AQR: variants seen among roughly 807,000 people sequenced by gnomAD.
AQR encodes aquarius intron-binding spliceosomal factor.
AQR carries 61 observed loss-of-function variants against 180.5 expected under a neutral mutation model. The observed-to-expected ratio is 0.34, with a 90% confidence interval of 0.28 to 0.42. The LOEUF (loss-of-function observed/expected upper bound fraction) is 0.42, where lower values mean the gene tolerates loss of function less well. Ranked by LOEUF, AQR falls within the 10% of genes least tolerant of loss-of-function variation. The pLI, the probability that AQR is intolerant of heterozygous loss-of-function variation, is 1.00. For synonymous variants in AQR, 551 were observed against 588.8 expected, an observed-to-expected ratio of 0.94 and a Z score of 0.93; for missense variants, 1,281 against 1,798.3, an observed-to-expected ratio of 0.71 and a Z score of 5.20.
intron 13 of AQR, 31 bp from the exon 14 acceptor site, chr15:34,920,465 A>T (rs1261785522): frequency 1.3e-6 from 2 of 1,490,248 alleles, no homozygotes; most frequent in African/African-American, 1.4e-5. Context: ...TTTTATTCAT[A>T]GTAACTTACT....
chr15:34,853,888 G>T lies in AQR; in HGVS notation c.*2904C>A, dbSNP rs963374085. 2 of 152,056 alleles carry T rather than the reference G, an allele frequency of 1.3e-5. No homozygotes were observed. The highest frequency in any genetic ancestry group is 2.9e-5 in the Non-Finnish European group (2 of 68,018). 9.4% of individuals were successfully genotyped at this position (152,056 alleles called of 1,614,324 possible). A position where few individuals can be genotyped will look rare whatever the true frequency, so the allele number is the denominator to read the frequency against. On this transcript the variant is annotated 3_prime_UTR_variant, in exon 35 of 35. Coordinates refer to ENST00000156471, the MANE Select transcript of AQR (RefSeq NM_014691.3). ...AACCAAATGCTGATAAGCAAATTAG[G>T]TACAACTCTGAGCCAGGTCTCGATG...
At chr15:34,874,037 T>A (rs1406715282) in intron 29 of AQR, 38 bp from the exon 30 acceptor site, 1 of 1,550,260 alleles carries the variant, frequency 6.5e-7, no homozygotes, top group African/African-American at 1.4e-5. Flanking sequence ...CAGAAAATAT[T>A]AGCAGTGTAA....
chr15:34,935,482 C>T (rs1030621658), intron 9 of AQR, among the ~76,000 whole-genome samples: 1 of 152,138 alleles, frequency 6.6e-6, no homozygotes, highest in Non-Finnish European at 1.5e-5. Context: ...AGGCATCCTA[C>T]AAATGCTTAC....
At position 34,897,690 on chromosome 15, in the gene AQR, T is replaced by C. The variant is rs1266724750; in HGVS notation, c.2259A>G (p.Val753=). The stretch of plus-strand genomic sequence containing the variant: ...TCCTTTTCTTCCCTTTTCCACTTCT[T>C]ACTGGAAAAGTTATCCTACAAGACC... The part of the protein sequence containing the change: ...QIPPFRITFP[V]RSGKGKKRKD... The change falls in exon 21 of 35, where the codon GTA becomes GTG. Residue 753 remains valine (V), a synonymous_variant. Transcript: ENST00000156471. The C allele has an allele frequency of 6.2e-7, 1 of 1,614,010 alleles. No individual in the cohort carries two copies.
chr15:34,897,608 G>A lies in AQR; in HGVS notation c.2341C>T (p.Pro781Ser). 6.2e-7 allele frequency: 1 copy of A among 1,614,028 alleles called. No individual in the cohort carries two copies. Among genetic ancestry groups the A allele is most frequent in the Non-Finnish European group, 8.5e-7 (1 of 1,179,950 alleles). Residue 781 changes from proline (P) to serine (S), a missense_variant, in exon 21 of 35, where the codon CCC (proline) becomes TCC (serine). Pro to Ser is a moderately conservative substitution (Grantham distance 74). Transcript: ENST00000156471. The part of the protein sequence containing the change: ...TEEAKTLIVE[P>S]HVIPNRGPYP... ...GGACCCCTATTAGGAATAACATGGG[G>A]CTCAACAATTAAGGTTTTTGCTTCC...
rs1468985191 is a variant in AQR, at chr15:34,856,511, C to T, written c.*281G>A. The T allele has an allele frequency of 2.4e-6, 1 of 414,444 alleles. No individual in the cohort carries two copies. Among genetic ancestry groups the T allele is most frequent in the East Asian group, 3.4e-5 (1 of 28,988 alleles). 25.7% of individuals were successfully genotyped at this position (414,444 alleles called of 1,614,324 possible). A position where few individuals can be genotyped will look rare whatever the true frequency, so the allele number is the denominator to read the frequency against. On this transcript the variant is annotated 3_prime_UTR_variant, in exon 35 of 35. Coordinates refer to ENST00000156471, the MANE Select transcript of AQR (RefSeq NM_014691.3). The stretch of plus-strand genomic sequence containing the variant: ...AAATGTGAAGTATATATTATATATT[C>T]ATAGAAAATGATTTTAATGTAGGTA...
rs532388110 is a variant in AQR, at chr15:34,876,148, C to G, written c.3166-142G>C. On this transcript the variant is annotated intron_variant, in intron 27 of 34. Transcript: ENST00000156471. ...TCAGACAGATAAAAATAACAACATA[C>G]ACATTATTCAAACAGAAACTTCATG... The G allele has an allele frequency of 1.7e-4, 103 of 606,784 alleles. No individual in the cohort carries two copies. In the African/African-American group the frequency reaches 1.7e-3, roughly 10 times the overall value. 37.6% of individuals were successfully genotyped at this position (606,784 alleles called of 1,614,324 possible).
chr15:34,969,605 G>A lies in AQR; in HGVS notation c.9C>T (p.Ala3=), dbSNP rs1029882911. 7 of 1,613,068 alleles carry A rather than the reference G, an allele frequency of 4.3e-6. No homozygotes were observed. Among genetic ancestry groups the A allele is most frequent in the Non-Finnish European group, 5.9e-6 (7 of 1,179,982 alleles). Residue 3 remains alanine, a synonymous_variant, in exon 1 of 35, where the codon GCC becomes GCT. Transcript: ENST00000156471. ...CCACGATCTTCTTGGGCTGCGCAGG[G>A]GCTGCCATGGCAGCACTCTTCCCTC... MA[A]PAQPKKIVAP...
chr15:34,862,749 C>T lies in AQR; in HGVS notation c.4029+118G>A. 2.6e-6 allele frequency: 3 copies of T among 1,149,618 alleles called. No homozygotes were observed. The South Asian group carries it at 4.7e-5, about 18-fold the overall frequency. The allele number at this position is 1,149,618 out of a possible 1,614,324, so 71.2% of individuals were successfully genotyped here. On this transcript the variant is annotated intron_variant, in intron 33 of 34. Transcript: ENST00000156471. Reference sequence around the variant, plus strand: ...CCTCAGTTCCTCAGTGCAGCACACTCTAAAACAGGGACTAAATTATCTATA... The same window carrying T: ...CCTCAGTTCCTCAGTGCAGCACACTTTAAAACAGGGACTAAATTATCTATA...
chr15:34,919,590 T>C (rs1447678961), intron 14 of AQR, among the ~76,000 whole-genome samples: 1 of 152,178 alleles, frequency 6.6e-6, no homozygotes, highest in East Asian at 1.9e-4. Flanking sequence ...CAAACTTATT[T>C]TCCATTAGAA....
At chr15:34,892,092 T>C (rs939568110) in intron 23 of AQR, among the ~76,000 whole-genome samples, 9 of 152,188 alleles carry the variant, frequency 5.9e-5, no homozygotes, top group Non-Finnish European at 1.0e-4. Flanking sequence ...TCACCACTGT[T>C]AACATAAACT....
chr15:34,920,225 G>T, intron 14 of AQR, 107 bp downstream of exon 14: 1 of 697,776 alleles, frequency 1.4e-6, no homozygotes, highest in South Asian at 2.0e-5. Flanking sequence ...GGAATTATCT[G>T]CCTAATCTTT....
intron 8 of AQR, 106 bp downstream of exon 8, chr15:34,940,793 T>C: frequency 1.2e-6 from 1 of 801,812 alleles, no homozygotes; most frequent in Non-Finnish European, 2.1e-6. Flanking sequence ...TAATAATTTA[T>C]TTGCACTCAG....
At chr15:34,935,405 G>A (rs1893930386) in intron 9 of AQR, among the ~76,000 whole-genome samples, 1 of 151,992 alleles carries the variant, frequency 6.6e-6, no homozygotes, top group Non-Finnish European at 1.5e-5. Context: ...GATAATTTTA[G>A]GTTTCCTGTT....
intron 3 of AQR, among the ~76,000 whole-genome samples, chr15:34,954,322 T>C (rs1397837423): frequency 2.6e-5 from 4 of 152,188 alleles, no homozygotes; most frequent in East Asian, 1.9e-4. Flanking sequence ...TTTTTTTTTT[T>C]CTGAGGCAGA....
intron 22 of AQR, among the ~76,000 whole-genome samples, chr15:34,896,562 G>T (rs1893247275): frequency 1.3e-5 from 2 of 148,616 alleles, no homozygotes; most frequent in South Asian, 4.2e-4. Flanking sequence ...AAAAAAAAAG[G>T]TGTGGCTGAG....
At chr15:34,945,891 T>G (rs1894105569) in intron 5 of AQR, among the ~76,000 whole-genome samples, 1 of 152,218 alleles carries the variant, frequency 6.6e-6, no homozygotes, top group Non-Finnish European at 1.5e-5. Context: ...GGATCCCTAC[T>G]GATCAAGCTT....
Position 34,876,092 on chromosome 15 carries a change from T to C in AQR, c.3166-86A>G. The C allele has an allele frequency of 3.2e-6, 3 of 945,212 alleles. No individual in the cohort carries two copies. The South Asian group carries it at 4.5e-5, about 14-fold the overall frequency. 58.6% of individuals were successfully genotyped at this position (945,212 alleles called of 1,614,324 possible). On this transcript the variant is annotated intron_variant, in intron 27 of 34. Transcript: ENST00000156471. ...ACATAATCATCAAAAAAACCCCAAA[T>C]AATTTCTGATAAAAACGACATACAA...
chr15:34,881,727 A>T (rs528485417), intron 27 of AQR, among the ~76,000 whole-genome samples: 1 of 152,346 alleles, frequency 6.6e-6, no homozygotes, highest in Admixed American at 6.5e-5. Context: ...GTACACAAAT[A>T]ACTGGAATGG....
Sources: allele counts gnomAD v4.1 joint callset (sites outside exome capture counted in the v4.1 genomes callset), GRCh38; gene constraint gnomAD v4.1.1; transcripts MANE v1.5; gene names NCBI Gene and HGNC (gene_info 2026-07-23, HGNC 2026-07-21).